MTUS2: variants seen among roughly 807,000 people sequenced by gnomAD.
The protein encoded by MTUS2 is microtubule-associated tumor suppressor candidate 2.
Under a neutral mutation model 114.1 loss-of-function variants are expected in MTUS2, and 40 were observed. The ratio of observed to expected loss-of-function variants is 0.35; its 90% CI spans 0.27 to 0.46. The LOEUF (loss-of-function observed/expected upper bound fraction) is 0.46. Ranked by LOEUF, MTUS2 falls within the 20% of genes least tolerant of loss-of-function variation. The pLI, the probability that MTUS2 is intolerant of heterozygous loss-of-function variation, is 1.00. For synonymous variants in MTUS2, 688 were observed against 672.0 expected (o/e 1.02, Z -0.37); for missense variants, 1,679 against 1,705.4 (o/e 0.98, Z 0.27).
intron 2 of MTUS2, among the ~76,000 whole-genome samples, chr13:28,940,942 CA>C (rs1281634917): frequency 6.6e-6 from 1 of 151,106 alleles, no homozygotes; most frequent in Non-Finnish European, 1.5e-5. Flanking sequence ...AACATTAACC[CA>C]AAAAAAGCTA....
At chr13:29,202,574 A>C (rs1273348509) in intron 5 of MTUS2, among the ~76,000 whole-genome samples, 1 of 152,088 alleles carries the variant, frequency 6.6e-6, no homozygotes, top group Non-Finnish European at 1.5e-5. Flanking sequence ...GATCCTTTGG[A>C]GGAGAAGAGG....
intron 8 of MTUS2, among the ~76,000 whole-genome samples, chr13:29,400,291 A>G (rs557549387): frequency 2.0e-5 from 3 of 152,338 alleles, no homozygotes; most frequent in Non-Finnish European, 2.9e-5. Context: ...TTAGTTACAC[A>G]TGTATCTATA....
Position 29,244,447 on chromosome 13 carries a change from G to A in MTUS2, c.2645-37257G>A, listed in dbSNP as rs1181174678. Among the ~76,000 whole-genome samples, 6 of 152,242 alleles carry A rather than the reference G, an allele frequency of 3.9e-5. No homozygotes were observed. In the South Asian group the frequency reaches 1.0e-3, roughly 26 times the overall value. On this transcript the variant is annotated intron_variant, in intron 5 of 15. Coordinates refer to ENST00000612955, the MANE Select transcript of MTUS2 (RefSeq NM_001033602.4). The stretch of plus-strand genomic sequence containing the variant: ...GATCCCGGGAAAAGGAGAGAAGCAA[G>A]TGAGGGCAGAGGAGGCTGATTAGGA...
rs184619361 is a variant in MTUS2 at position 29,295,834 on chromosome 13, G to A, written c.2806+13969G>A. On this transcript the variant is annotated intron_variant, in intron 6 of 15. Coordinates refer to ENST00000612955, the MANE Select transcript of MTUS2 (RefSeq NM_001033602.4). Reference sequence around the variant, plus strand: ...CAGCAGTCAAGGGAGTGTGTGCAGCGGAACTGCATTTTATAAAACCATCAG... The same window carrying A: ...CAGCAGTCAAGGGAGTGTGTGCAGCAGAACTGCATTTTATAAAACCATCAG... Among the ~76,000 whole-genome samples, 201 of 152,210 alleles carry A rather than the reference G, an allele frequency of 1.3e-3. 1 individual carries two copies. Among genetic ancestry groups the A allele is most frequent in the African/African-American group, 4.6e-3 (193 of 41,516 alleles).
intron 2 of MTUS2, among the ~76,000 whole-genome samples, chr13:28,994,047 C>A (rs556510552): frequency 3.3e-5 from 5 of 152,110 alleles, no homozygotes; most frequent in Non-Finnish European, 7.4e-5. Flanking sequence ...TGCTATCCCT[C>A]CCCCCTCCTG....
intron 9 of MTUS2, among the ~76,000 whole-genome samples, chr13:29,465,077 T>A (rs1480875507): frequency 6.6e-6 from 1 of 152,186 alleles, no homozygotes; most frequent in Non-Finnish European, 1.5e-5. Context: ...TTCACAGAAC[T>A]TTTGTGACGT....
intron 6 of MTUS2, among the ~76,000 whole-genome samples, chr13:29,319,605 G>A (rs1212377961): frequency 6.6e-6 from 1 of 152,160 alleles, no homozygotes; most frequent in Admixed American, 6.5e-5. Context: ...GCGGTGCAGA[G>A]CTCTGATCCA....
Position 29,498,501 on chromosome 13 carries a change from C to G in MTUS2, c.3762C>G (p.His1254Gln). 6.2e-7 allele frequency: 1 copy of G among 1,614,132 alleles called. No homozygotes were observed. Among genetic ancestry groups the G allele is most frequent in the Non-Finnish European group, 8.5e-7 (1 of 1,180,012 alleles). ...TAGAAATGAAGAATCAGCAAATACA[C>G]GAGCAAGAAAAGAAGATTCTTGAGC... ...QVLEMKNQQIHEQEKKILELE... is the reference protein window; with the variant it reads ...QVLEMKNQQIQEQEKKILELE... The change falls in exon 14 of 16, where the codon CAC becomes CAG. Residue 1254 changes from histidine to glutamine, a missense_variant. Physicochemically the swap from His to Gln is conservative, Grantham distance 24. This residue lies in a region of MTUS2 where 822 missense variants were observed against 899.7 expected (regional missense o/e 0.91). Coordinates refer to ENST00000612955, the MANE Select transcript of MTUS2 (RefSeq NM_001033602.4).
At position 29,389,410 on chromosome 13, in the gene MTUS2, C is replaced by CGT. The variant is rs144076814; in HGVS notation, c.3117+29946_3117+29947dup. The stretch of plus-strand genomic sequence containing the variant: ...ACACGTGTGTGTATATATGTATACA[C>CGT]GTGTGTGTGTATGTATACACGTGTG... On this transcript the variant is annotated intron_variant, in intron 8 of 15. Coordinates refer to ENST00000612955, the MANE Select transcript of MTUS2 (RefSeq NM_001033602.4). Among the ~76,000 whole-genome samples the CGT allele has an allele frequency of 6.5e-5, 5 of 76,502 alleles. 1 individual carries two copies. Among genetic ancestry groups the CGT allele is most frequent in the Non-Finnish European group, 1.1e-4 (4 of 37,388 alleles). The allele number at this position is 76,502 out of a possible 152,430, so 50.2% of individuals were successfully genotyped here. A position where few individuals can be genotyped will look rare whatever the true frequency, so the allele number is the denominator to read the frequency against.
Position 28,856,243 on chromosome 13 carries a change from A to G in MTUS2, c.-243+16393A>G, listed in dbSNP as rs188202267. Among the ~76,000 whole-genome samples, 10 of 152,362 alleles carry G rather than the reference A, an allele frequency of 6.6e-5. No homozygotes were observed. The East Asian group carries it at 1.9e-3, about 29-fold the overall frequency. Reference sequence around the variant, plus strand: ...AATGTGTCTGTGTGCTCCAGTTTGAAGACTGCTGCCTTGCAAAGCTGGACA... The same window carrying G: ...AATGTGTCTGTGTGCTCCAGTTTGAGGACTGCTGCCTTGCAAAGCTGGACA... On this transcript the variant is annotated intron_variant, in intron 2 of 15. Coordinates refer to ENST00000612955, the MANE Select transcript of MTUS2 (RefSeq NM_001033602.4).
intron 2 of MTUS2, among the ~76,000 whole-genome samples, chr13:29,015,485 C>T (rs917252171): frequency 1.3e-5 from 2 of 152,152 alleles, no homozygotes; most frequent in Admixed American, 6.5e-5. Context: ...CTGCTAGGCA[C>T]TGGAAAAGTA....
chr13:29,317,940 C>T (rs539910099), intron 6 of MTUS2, among the ~76,000 whole-genome samples: 45 of 152,318 alleles, frequency 3.0e-4, no homozygotes, highest in Non-Finnish European at 5.0e-4. Flanking sequence ...CTTCCAGTTA[C>T]ACTGGAGTGA....
chr13:29,078,097 A>G (rs1266612594), intron 4 of MTUS2, among the ~76,000 whole-genome samples: 3 of 151,228 alleles, frequency 2.0e-5, no homozygotes, highest in South Asian at 2.1e-4. Flanking sequence ...AGAAATTTTC[A>G]TCTTTTTTTT....
chr13:28,860,094 G>A (rs1050954776), intron 2 of MTUS2, among the ~76,000 whole-genome samples: 6 of 152,172 alleles, frequency 3.9e-5, no homozygotes, highest in African/African-American at 7.2e-5. Flanking sequence ...ATTGCCATGT[G>A]CTATGATGTT....
At chr13:29,069,464 T>C (rs1033727870) in intron 4 of MTUS2, among the ~76,000 whole-genome samples, 4 of 152,212 alleles carry the variant, frequency 2.6e-5, no homozygotes, top group East Asian at 3.8e-4. Flanking sequence ...CCCACCCACA[T>C]TGGGGAAGGC....
At chr13:29,274,192 C>T (rs1897977736) in intron 5 of MTUS2, among the ~76,000 whole-genome samples, 1 of 152,066 alleles carries the variant, frequency 6.6e-6, no homozygotes, top group Admixed American at 6.6e-5. Flanking sequence ...CGGCTTGCTG[C>T]CAGCTCCACC....
At chr13:29,495,840 T>C (rs1882514647) in intron 12 of MTUS2, among the ~76,000 whole-genome samples, 1 of 152,016 alleles carries the variant, frequency 6.6e-6, no homozygotes, top group African/African-American at 2.4e-5. Flanking sequence ...CACTGCACTC[T>C]AGCCTGGGCG....
intron 8 of MTUS2, among the ~76,000 whole-genome samples, chr13:29,366,133 A>C (rs1870693041): frequency 6.6e-6 from 1 of 152,208 alleles, no homozygotes; most frequent in Admixed American, 6.5e-5. Flanking sequence ...GTCCGTTTTC[A>C]TACTGCTGAC....
chr13:28,965,391 T>C (rs566140423), intron 2 of MTUS2, among the ~76,000 whole-genome samples: 1 of 152,298 alleles, frequency 6.6e-6, no homozygotes, highest in South Asian at 2.1e-4. Flanking sequence ...TTCTCATTCC[T>C]GTCTACACGG....
Sources: allele counts gnomAD v4.1 joint callset (sites outside exome capture counted in the v4.1 genomes callset), GRCh38; gene constraint gnomAD v4.1.1; regional missense constraint gnomAD v4.1.1; transcripts MANE v1.5; gene names NCBI Gene and HGNC (gene_info 2026-07-23, HGNC 2026-07-21).